Variants in MDGA2 observed in about 807,000 individuals in gnomAD.
The protein encoded by MDGA2 is MAM domain containing glycosylphosphatidylinositol anchor 2.
MDGA2 carries 40 observed loss-of-function variants against 117.8 expected under a neutral mutation model. That is an observed-to-expected ratio of 0.34 (90% CI 0.26 to 0.44). The LOEUF (loss-of-function observed/expected upper bound fraction) is 0.44. MDGA2 is among the 20% of genes least tolerant of loss of function. The pLI is 1.00. For synonymous variants in MDGA2, 452 were observed against 439.0 expected (o/e 1.03, Z -0.37); for missense variants, 1,123 against 1,250.6 (o/e 0.90, Z 1.54).
chr14:46,860,106 T>A (rs1881449760), intron 14 of MDGA2, among the ~76,000 whole-genome samples: 1 of 152,078 alleles, frequency 6.6e-6, no homozygotes, highest in Admixed American at 6.6e-5. Flanking sequence ...TATATAAATA[T>A]GGGTATCCAC....
chr14:46,845,167 G>C (rs1880781780), intron 16 of MDGA2, among the ~76,000 whole-genome samples: 1 of 152,156 alleles, frequency 6.6e-6, no homozygotes, highest in Non-Finnish European at 1.5e-5. Context: ...ACAGGCGTGA[G>C]CCACCGCGCC....
chr14:47,039,212 T>C (rs889473600), intron 7 of MDGA2, among the ~76,000 whole-genome samples: 1 of 152,214 alleles, frequency 6.6e-6, no homozygotes, highest in Non-Finnish European at 1.5e-5. Flanking sequence ...TTCCAATGGC[T>C]CATAATTGCA....
chr14:47,488,556 T>TA (rs1446115448), intron 1 of MDGA2, among the ~76,000 whole-genome samples: 1 of 152,014 alleles, frequency 6.6e-6, no homozygotes, highest in Non-Finnish European at 1.5e-5. Context: ...TAAAACTGTA[T>TA]AAAAAAGAGC....
chr14:47,369,613 T>C (rs1484557925), intron 1 of MDGA2, among the ~76,000 whole-genome samples: 2 of 152,148 alleles, frequency 1.3e-5, no homozygotes, highest in African/African-American at 4.8e-5. Flanking sequence ...CATAGTGTCA[T>C]AGTGACAGAT....
chr14:47,274,380 G>C (rs903406649), intron 2 of MDGA2, among the ~76,000 whole-genome samples: 1 of 151,792 alleles, frequency 6.6e-6, no homozygotes, highest in African/African-American at 2.4e-5. Flanking sequence ...ATGTTTCCAA[G>C]GTTCTTCCTT....
Position 47,119,226 on chromosome 14 carries a change from C to T in MDGA2, c.925+12488G>A, listed in dbSNP as rs529750701. On this transcript the variant is annotated intron_variant, in intron 5 of 16. Transcript: ENST00000399232. ...GACTACAGGCACCCGCCACCACACC[C>T]GGGTAATTTTTTGTATTTTTAGTAG... Among the ~76,000 whole-genome samples the T allele has an allele frequency of 1.4e-3, 201 of 147,016 alleles. 1 individual carries two copies. Among genetic ancestry groups the T allele is most frequent in the African/African-American group, 4.8e-3 (193 of 40,354 alleles).
chr14:47,583,681 T>G (rs1896270426), intron 1 of MDGA2, among the ~76,000 whole-genome samples: 1 of 151,832 alleles, frequency 6.6e-6, no homozygotes, highest in Non-Finnish European at 1.5e-5. Context: ...TATTTGGATC[T>G]TGGATTAAAA....
chr14:47,030,335 A>C (rs1425670640), intron 8 of MDGA2, among the ~76,000 whole-genome samples: 1 of 151,760 alleles, frequency 6.6e-6, no homozygotes, highest in Non-Finnish European at 1.5e-5. Flanking sequence ...ACCAAAATGG[A>C]GAAACCCCAT....
intron 14 of MDGA2, among the ~76,000 whole-genome samples, chr14:46,864,499 A>C (rs1881646035): frequency 6.8e-6 from 1 of 147,122 alleles, no homozygotes. Context: ...TTGTAAACAC[A>C]CAAATACTGA....
At position 47,503,595 on chromosome 14, in the gene MDGA2, AG is replaced by A. The variant is rs756471113; in HGVS notation, c.280+170921del. Among the ~76,000 whole-genome samples the A allele has an allele frequency of 2.0e-5, 3 of 151,878 alleles. No homozygotes were observed. The East Asian group carries it at 5.8e-4, about 30-fold the overall frequency. ...AATTTTTTGTATTTTTAGTAGAGAC[AG>A]GGTTTCACCGTGTTAGCCAGGATGG... On this transcript the variant is annotated intron_variant, in intron 1 of 16. Coordinates refer to ENST00000399232, the MANE Select transcript of MDGA2 (RefSeq NM_001113498.3).
intron 8 of MDGA2, 127 bp downstream of exon 8, chr14:47,034,884 C>T: frequency 2.5e-6 from 2 of 806,698 alleles, no homozygotes; most frequent in Middle Eastern, 2.3e-4. Flanking sequence ...TCATTCAATC[C>T]AATGTAGAAA....
chr14:46,948,570 G>A (rs1566540387), intron 9 of MDGA2, among the ~76,000 whole-genome samples: 1 of 151,936 alleles, frequency 6.6e-6, no homozygotes, highest in Non-Finnish European at 1.5e-5. Context: ...GAGGGAGTGT[G>A]GATGGAGATG....
intron 1 of MDGA2, among the ~76,000 whole-genome samples, chr14:47,610,567 A>AAAAC (rs1176615206): frequency 6.6e-6 from 1 of 150,494 alleles, no homozygotes; most frequent in Non-Finnish European, 1.5e-5. Context: ...ACAATAGCTA[A>AAAAC]AAACAAACAA....
intron 9 of MDGA2, among the ~76,000 whole-genome samples, chr14:46,952,450 AT>A (rs774432675): frequency 1.9e-4 from 29 of 151,986 alleles, no homozygotes; most frequent in Non-Finnish European, 3.5e-4. Context: ...ACTTTCTGAA[AT>A]GATACATCAC....
rs1890427519 is a variant in MDGA2 at position 47,335,736 on chromosome 14, A to ATT, written c.281-34187_281-34186insAA. On this transcript the variant is annotated intron_variant, in intron 1 of 16. Coordinates refer to ENST00000399232, the MANE Select transcript of MDGA2 (RefSeq NM_001113498.3). ...ACATACACATGCACACATATATTTT[A>ATT]TATATATATATACATACATACATAC... Among the ~76,000 whole-genome samples the ATT allele has an allele frequency of 1.3e-4, 7 of 54,442 alleles. No homozygotes were observed. In the East Asian group the frequency reaches 5.9e-3, roughly 46 times the overall value. The allele number at this position is 54,442 out of a possible 152,430, so 35.7% of individuals were successfully genotyped here.
At chr14:47,672,269 G>C (rs554021652) in intron 1 of MDGA2, among the ~76,000 whole-genome samples, 22 of 152,018 alleles carry the variant, frequency 1.4e-4, no homozygotes, top group Non-Finnish European at 3.1e-4. Context: ...TTCTATTCCT[G>C]GCTACATGAC....
intron 14 of MDGA2, among the ~76,000 whole-genome samples, chr14:46,864,222 G>A (rs1881632500): frequency 6.6e-6 from 1 of 151,074 alleles, no homozygotes; most frequent in African/African-American, 2.4e-5. Context: ...ATTGATGTGA[G>A]GGTGGTTAAA....
At chr14:46,898,563 G>A (rs1028961618) in intron 10 of MDGA2, among the ~76,000 whole-genome samples, 1 of 151,968 alleles carries the variant, frequency 6.6e-6, no homozygotes, top group Non-Finnish European at 1.5e-5. Flanking sequence ...CAAATAAATA[G>A]GTCTAGGGAG....
At chr14:47,086,065 AC>A (rs1466374689) in intron 6 of MDGA2, among the ~76,000 whole-genome samples, 1 of 149,808 alleles carries the variant, frequency 6.7e-6, no homozygotes, top group Non-Finnish European at 1.5e-5. Flanking sequence ...AATTTTAACT[AC>A]CGTGATTATG....
Sources: gnomAD v4.1 joint callset for allele counts (sites outside exome capture counted in the v4.1 genomes callset) on GRCh38, gnomAD v4.1.1 for gene constraint, MANE v1.5 for transcripts, NCBI Gene and HGNC (gene_info 2026-07-23, HGNC 2026-07-21) for gene names.